TENM3: variants seen among roughly 807,000 people sequenced by gnomAD.
TENM3 encodes the protein teneurin transmembrane protein 3.
In TENM3, 63 loss-of-function variants were observed where a neutral mutation model predicts 255.1. That is an observed-to-expected ratio of 0.25 (90% CI 0.20 to 0.30). The LOEUF (loss-of-function observed/expected upper bound fraction) is 0.30, where lower values mean the gene tolerates loss of function less well. Among genes scored for constraint, TENM3 ranks in the 10% least tolerant of loss-of-function variants. The probability of loss-of-function intolerance (pLI) is 1.00; values close to 1 mark genes in which losing one functional copy is unlikely to be tolerated. For synonymous variants in TENM3, 1,306 were observed against 1,322.3 expected (o/e 0.99, Z 0.27); for missense variants, 2,929 against 3,461.1 (o/e 0.85, Z 3.86).
chr4:182,621,090 A>C (rs1488128466), intron 4 of TENM3, among the ~76,000 whole-genome samples: 1 of 151,846 alleles, frequency 6.6e-6, no homozygotes, highest in Admixed American at 6.6e-5. Flanking sequence ...CTGAGGCAGG[A>C]GAATGGCGTG....
chr4:182,196,538 G>A (rs56998163), intron 1 of TENM3, among the ~76,000 whole-genome samples: 16,315 of 152,020 alleles, frequency 0.11, 1,076 homozygotes, highest in African/African-American at 0.18. Context: ...GACACCAGGC[G>A]CCTCACCTTC....
chr4:182,615,046 C>CATACACATATAT (rs376247638), intron 4 of TENM3, among the ~76,000 whole-genome samples: 1 of 112,058 alleles, frequency 8.9e-6, no homozygotes, highest in African/African-American at 3.1e-5. Context: ...AAAAAAAATA[C>CATACACATATAT]ATATATATAT....
the TENM3 span, among the ~76,000 whole-genome samples, chr4:181,701,303 G>A: frequency 2.0e-5 from 3 of 152,262 alleles, no homozygotes; most frequent in Admixed American, 6.5e-5. Context: ...AATGTGATTC[G>A]CAACACTCAG....
chr4:182,497,847 C>CATACATATAT (rs1253478006), intron 3 of TENM3, among the ~76,000 whole-genome samples: 7 of 135,640 alleles, frequency 5.2e-5, no homozygotes, highest in African/African-American at 2.3e-4. Context: ...ACTAAAAATA[C>CATACATATAT]ATATATATAT....
the TENM3 span, among the ~76,000 whole-genome samples, chr4:181,646,044 G>A: frequency 5.0e-4 from 76 of 152,228 alleles, no homozygotes; most frequent in Admixed American, 2.6e-3. Context: ...CTATGGACAC[G>A]CACATTTGTG....
At chr4:182,149,573 A>C (rs973917038) in intron 1 of TENM3, among the ~76,000 whole-genome samples, 3 of 152,036 alleles carry the variant, frequency 2.0e-5, no homozygotes, top group Non-Finnish European at 4.4e-5. Flanking sequence ...TAATAATAAT[A>C]ATAATGAGAT....
At chr4:182,026,912 T>A in the TENM3 span, among the ~76,000 whole-genome samples, 3 of 152,184 alleles carry the variant, frequency 2.0e-5, no homozygotes, top group Admixed American at 6.5e-5. Context: ...TCAGTTTTAT[T>A]CTCTTTGCTT....
chr4:182,302,506 A>G (rs1440188368), intron 1 of TENM3, among the ~76,000 whole-genome samples: 1 of 152,226 alleles, frequency 6.6e-6, no homozygotes, highest in Non-Finnish European at 1.5e-5. Flanking sequence ...GACAAGTAGC[A>G]TAGGATATTT....
chr4:182,207,481 A>C (rs1234508506), intron 1 of TENM3, among the ~76,000 whole-genome samples: 1 of 152,192 alleles, frequency 6.6e-6, no homozygotes, highest in Non-Finnish European at 1.5e-5. Flanking sequence ...CATGCTTCCC[A>C]GCCCATGCAA....
rs561838088 is a variant in TENM3 at position 182,695,672 on chromosome 4, G to T, written c.2221+7321G>T. 2.0e-5 allele frequency among the ~76,000 whole-genome samples: 3 copies of T among 152,218 alleles called. No homozygotes were observed. The East Asian group carries it at 5.8e-4, about 29-fold the overall frequency. On this transcript the variant is annotated intron_variant, in intron 12 of 27. Transcript: ENST00000511685. ...GATGAAGATACGACTTTGTCCTGTG[G>T]AGCTCTGCACCAGAAGCAAGTAGGT... is the stretch of plus-strand genomic sequence containing the variant.
chr4:181,623,361 A>G, the TENM3 span, among the ~76,000 whole-genome samples: 1 of 152,250 alleles, frequency 6.6e-6, no homozygotes, highest in Non-Finnish European at 1.5e-5. Context: ...TAAAGTTCCC[A>G]CAGTCAAGTG....
intron 19 of TENM3, chr4:182,744,271 A>G: frequency 1.1e-5 from 7 of 653,536 alleles, no homozygotes; most frequent in Non-Finnish European, 1.3e-5. Flanking sequence ...GAGAGAGGAA[A>G]CTCAGTATCA....
the TENM3 span, among the ~76,000 whole-genome samples, chr4:181,810,897 C>G: frequency 6.6e-6 from 1 of 152,034 alleles, no homozygotes; most frequent in Non-Finnish European, 1.5e-5. Flanking sequence ...TGTAGCATCC[C>G]AGCTTCCCTG....
intron 1 of TENM3, among the ~76,000 whole-genome samples, chr4:182,311,451 TCTC>T (rs1412465718): frequency 6.6e-6 from 1 of 152,186 alleles, no homozygotes; most frequent in Admixed American, 6.5e-5. Flanking sequence ...ATCTCTTAAA[TCTC>T]CTCTTTGTTC....
intron 6 of TENM3, among the ~76,000 whole-genome samples, chr4:182,654,247 G>T (rs1040329315): frequency 6.6e-6 from 1 of 152,006 alleles, no homozygotes. Flanking sequence ...TTCAACTTGC[G>T]TGTGGAGTTG....
At chr4:182,209,608 A>G (rs548767780) in intron 1 of TENM3, among the ~76,000 whole-genome samples, 1 of 150,758 alleles carries the variant, frequency 6.6e-6, no homozygotes, top group East Asian at 1.9e-4. Flanking sequence ...TCTTGAAGAA[A>G]CATTACCTGG....
chr4:181,641,553 T>TATATAC, the TENM3 span, among the ~76,000 whole-genome samples: 2 of 36,954 alleles, frequency 5.4e-5, no homozygotes, highest in Admixed American at 3.4e-4. Context: ...ATGGTGTGTG[T>TATATAC]GTATATATAT....
At chr4:181,547,625 G>T in the TENM3 span, among the ~76,000 whole-genome samples, 1 of 152,018 alleles carries the variant, frequency 6.6e-6, no homozygotes, top group Non-Finnish European at 1.5e-5. Context: ...AGAGAGTAAA[G>T]ATCATTAATA....
intron 1 of TENM3, among the ~76,000 whole-genome samples, chr4:182,275,745 TG>T (rs895985574): frequency 4.6e-5 from 7 of 152,210 alleles, no homozygotes; most frequent in Admixed American, 2.6e-4. Context: ...GAGACCAGCC[TG>T]GGCAGCATAG....
Sources: gnomAD v4.1 joint callset for allele counts (sites outside exome capture counted in the v4.1 genomes callset) on GRCh38, gnomAD v4.1.1 for gene constraint, MANE v1.5 for transcripts, NCBI Gene and HGNC (gene_info 2026-07-23, HGNC 2026-07-21) for gene names.